The following DDX60 variants were observed in gnomAD, a reference collection of about 807,000 sequenced individuals.
DDX60 encodes probable ATP-dependent RNA helicase DDX60.
A neutral mutation model predicts 212.8 loss-of-function variants in DDX60; 165 were observed. The ratio of observed to expected loss-of-function variants is 0.78; its 90% CI spans 0.68 to 0.88. The LOEUF (loss-of-function observed/expected upper bound fraction) is 0.88. DDX60 is among the 40% of genes least tolerant of loss of function. DDX60 has a pLI of 0.00. For synonymous variants in DDX60, 703 were observed against 685.3 expected (o/e 1.03, Z -0.40); for missense variants, 1,905 against 2,003.9 (o/e 0.95, Z 0.94).
intron 13 of DDX60, among the ~76,000 whole-genome samples, chr4:168,281,792 T>A (rs1735606051): frequency 3.9e-5 from 6 of 152,168 alleles, no homozygotes; most frequent in Admixed American, 3.3e-4. Context: ...TTGTCATCAC[T>A]CTCTAAATTA....
chr4:168,282,439 A>C (rs940021021), intron 13 of DDX60, among the ~76,000 whole-genome samples: 1 of 152,230 alleles, frequency 6.6e-6, no homozygotes, highest in Non-Finnish European at 1.5e-5. Flanking sequence ...AAAAGTAATT[A>C]TTCAGAAGTG....
intron 35 of DDX60, among the ~76,000 whole-genome samples, chr4:168,223,746 C>T (rs1274435136): frequency 6.6e-6 from 1 of 151,936 alleles, no homozygotes; most frequent in Non-Finnish European, 1.5e-5. Context: ...AATGTCAATC[C>T]ATAATATCAA....
chr4:168,254,446 C>T (rs1472974657), intron 26 of DDX60, among the ~76,000 whole-genome samples: 1 of 152,020 alleles, frequency 6.6e-6, no homozygotes, highest in Non-Finnish European at 1.5e-5. Flanking sequence ...CTAGTTTGCT[C>T]TAGAATTTGG....
At chr4:168,319,553 A>G (rs1000188282), upstream of DDX60, among the ~76,000 whole-genome samples, 1 of 152,248 alleles carries the variant, frequency 6.6e-6, no homozygotes, top group African/African-American at 2.4e-5. Context: ...ATTAAAAAAT[A>G]AATTGAAAAT....
At chr4:168,224,197 T>C (rs769204461) in intron 35 of DDX60, 46 bp downstream of exon 35, 4 of 1,605,482 alleles carry the variant, frequency 2.5e-6, no homozygotes, top group Non-Finnish European at 3.4e-6. Context: ...TATAAATCCA[T>C]TCTTTCTTAA....
At chr4:168,285,784 G>A (rs1374086471) in intron 10 of DDX60, among the ~76,000 whole-genome samples, 1 of 150,770 alleles carries the variant, frequency 6.6e-6, no homozygotes, top group Non-Finnish European at 1.5e-5. Flanking sequence ...TGCATGGATG[G>A]GTGGATGGAT....
chr4:168,283,620 G>T lies in DDX60; in HGVS notation c.1562-14C>A. On this transcript the variant is annotated splice_polypyrimidine_tract_variant and intron_variant, in intron 12 of 37. Transcript: ENST00000393743. ...CTCTAGATTTTTCTGAAAAAGAAAA[G>T]ACTTAAAATGTAACTTTATTGTAGT... 1.9e-6 allele frequency: 3 copies of T among 1,576,932 alleles called. No individual in the cohort carries two copies. Among genetic ancestry groups the T allele is most frequent in the East Asian group, 2.3e-5 (1 of 44,372 alleles).
intron 30 of DDX60, among the ~76,000 whole-genome samples, chr4:168,244,927 T>C (rs1312084727): frequency 6.6e-6 from 1 of 152,002 alleles, no homozygotes. Flanking sequence ...AATTTAAAAA[T>C]TATAACTTTT....
chr4:168,218,005 A>C (rs978905421), intron 37 of DDX60, among the ~76,000 whole-genome samples: 1 of 152,178 alleles, frequency 6.6e-6, no homozygotes, highest in African/African-American at 2.4e-5. Context: ...TACAGGTAAC[A>C]AAAAAGGAGA....
intron 28 of DDX60, 28 bp downstream of exon 28, chr4:168,250,926 A>G (rs1734198328): frequency 1.3e-6 from 2 of 1,529,852 alleles, no homozygotes; most frequent in Non-Finnish European, 1.8e-6. Context: ...CACAATTTCA[A>G]TTTTTAGAAT....
At chr4:168,304,241 A>G (rs143025188) in intron 5 of DDX60, among the ~76,000 whole-genome samples, 4 of 152,270 alleles carry the variant, frequency 2.6e-5, no homozygotes, top group African/African-American at 9.6e-5. Flanking sequence ...CTGCCCCTGA[A>G]GACTTTCCAG....
In DDX60 at chr4:168,311,047, ATGT is replaced by A. The variant is rs1352176482; in HGVS notation, c.22_24del (p.Thr8del). On this transcript the variant is annotated inframe_deletion, in exon 3 of 38. Coordinates refer to ENST00000393743, the MANE Select transcript of DDX60 (RefSeq NM_017631.6). ...ATTAACTGGGACATTTCCTGTGAAA[ATGT>A]TGTAAGAACATTTCTTTCTAAATTT... The A allele has an allele frequency of 8.2e-6, 13 of 1,581,098 alleles. No individual in the cohort carries two copies. Among genetic ancestry groups the A allele is most frequent in the South Asian group, 1.1e-5 (1 of 88,782 alleles).
chr4:168,317,021 G>A (rs1185275820), intron 1 of DDX60, among the ~76,000 whole-genome samples: 2 of 136,324 alleles, frequency 1.5e-5, no homozygotes, highest in Non-Finnish European at 3.0e-5. Flanking sequence ...TCAAGCCACT[G>A]CATTCCAGCC....
intron 33 of DDX60, among the ~76,000 whole-genome samples, chr4:168,226,793 C>A (rs990703178): frequency 1.3e-5 from 2 of 152,116 alleles, no homozygotes; most frequent in Non-Finnish European, 2.9e-5. Context: ...AAAAGACACA[C>A]TTCACACGTT....
chr4:168,247,558 A>G (rs1734064772), intron 29 of DDX60, among the ~76,000 whole-genome samples: 1 of 152,256 alleles, frequency 6.6e-6, no homozygotes, highest in African/African-American at 2.4e-5. Flanking sequence ...AGAAATAATT[A>G]TCAAATGTCT....
At chr4:168,288,635 C>G (rs1321351744) in intron 8 of DDX60, among the ~76,000 whole-genome samples, 1 of 152,204 alleles carries the variant, frequency 6.6e-6, no homozygotes, top group African/African-American at 2.4e-5. Context: ...AATACTTCTG[C>G]TTTGAAATGT....
chr4:168,244,230 C>T (rs1733946403), intron 30 of DDX60, among the ~76,000 whole-genome samples: 2 of 152,014 alleles, frequency 1.3e-5, no homozygotes, highest in Admixed American at 1.3e-4. Context: ...GCACATCCTG[C>T]ACATGTGCCT....
At chr4:168,321,620 C>T (rs1190443426), upstream of DDX60, among the ~76,000 whole-genome samples, 1 of 152,118 alleles carries the variant, frequency 6.6e-6, no homozygotes, top group East Asian at 1.9e-4. Flanking sequence ...AAGGAGAATT[C>T]TCTCCAGCTT....
At chr4:168,271,683 T>G (rs767318331) in intron 19 of DDX60, among the ~76,000 whole-genome samples, 1 of 152,224 alleles carries the variant, frequency 6.6e-6, no homozygotes, top group Non-Finnish European at 1.5e-5. Flanking sequence ...CTTATGTAAT[T>G]GACATCATTG....
Sources: allele counts gnomAD v4.1 joint callset (sites outside exome capture counted in the v4.1 genomes callset), GRCh38; gene constraint gnomAD v4.1.1; transcripts MANE v1.5; gene names NCBI Gene and HGNC (gene_info 2026-07-23, HGNC 2026-07-21).